Variants in WDR7 observed in about 807,000 individuals in gnomAD.
WDR7 encodes the protein WD repeat domain 7, also known as WD repeat-containing protein 7.
WDR7 carries 46 observed loss-of-function variants against 169.4 expected under a neutral mutation model. That is an observed-to-expected ratio of 0.27 (90% CI 0.21 to 0.35). WDR7 has a LOEUF of 0.35. WDR7 is among the 10% of genes least tolerant of loss of function. WDR7 has a pLI of 1.00. For missense variants in WDR7, 1,534 were observed against 1,859.3 expected, an observed-to-expected ratio of 0.83 and a Z score of 3.22; for synonymous variants, 612 against 666.8, an observed-to-expected ratio of 0.92 and a Z score of 1.27.
At chr18:56,985,038 A>G (rs1197742374) in intron 26 of WDR7, among the ~76,000 whole-genome samples, 2 of 152,174 alleles carry the variant, frequency 1.3e-5, no homozygotes, top group Non-Finnish European at 1.5e-5. Flanking sequence ...CATGACACTC[A>G]TAATAAAACA....
chr18:56,698,182 C>T (rs1222477078), intron 12 of WDR7, among the ~76,000 whole-genome samples: 3 of 150,408 alleles, frequency 2.0e-5, no homozygotes, highest in East Asian at 2.0e-4. Flanking sequence ...GCAACAGGAG[C>T]GAAACGCTGT....
chr18:56,656,136 G>C (rs889060085), intron 1 of WDR7, among the ~76,000 whole-genome samples: 1 of 152,068 alleles, frequency 6.6e-6, no homozygotes, highest in South Asian at 2.1e-4. Context: ...GTTGCTGGAT[G>C]GTATGGTAAG....
At chr18:56,764,814 G>A (rs543767162) in intron 16 of WDR7, among the ~76,000 whole-genome samples, 2 of 152,156 alleles carry the variant, frequency 1.3e-5, no homozygotes, top group African/African-American at 4.8e-5. Context: ...TTTTCTGCCT[G>A]CTTGCCTTTA....
intron 26 of WDR7, among the ~76,000 whole-genome samples, chr18:56,966,224 G>A (rs568788348): frequency 6.6e-6 from 1 of 152,066 alleles, no homozygotes; most frequent in Admixed American, 6.6e-5. Context: ...TTGAACAAGG[G>A]TTTGGACTGT....
At chr18:56,807,874 T>C (rs964138917) in intron 19 of WDR7, among the ~76,000 whole-genome samples, 1 of 152,204 alleles carries the variant, frequency 6.6e-6, no homozygotes, top group African/African-American at 2.4e-5. Flanking sequence ...ATTGAAGTGG[T>C]CTTTATTCAG....
At chr18:56,674,022 A>G (rs1183356179) in intron 2 of WDR7, among the ~76,000 whole-genome samples, 1 of 152,178 alleles carries the variant, frequency 6.6e-6, no homozygotes, top group Non-Finnish European at 1.5e-5. Flanking sequence ...ATGTATCAGT[A>G]CTTCATTTCT....
At chr18:56,730,566 A>T (rs2026561577) in intron 13 of WDR7, among the ~76,000 whole-genome samples, 1 of 152,120 alleles carries the variant, frequency 6.6e-6, no homozygotes, top group Admixed American at 6.5e-5. Context: ...GGAGATCGAG[A>T]CCATCCTGGC....
intron 12 of WDR7, among the ~76,000 whole-genome samples, chr18:56,697,968 C>T (rs190135154): frequency 7.9e-5 from 12 of 152,002 alleles, no homozygotes; most frequent in African/African-American, 2.7e-4. Flanking sequence ...CTGAGGCAGG[C>T]GTATCACCTG....
At chr18:56,973,372 G>A (rs184785192) in intron 26 of WDR7, among the ~76,000 whole-genome samples, 1 of 152,246 alleles carries the variant, frequency 6.6e-6, no homozygotes, top group East Asian at 1.9e-4. Context: ...TTTATTTTGA[G>A]TAAAAATTCA....
chr18:56,732,761 C>T (rs1165240598), intron 14 of WDR7, among the ~76,000 whole-genome samples: 1 of 152,178 alleles, frequency 6.6e-6, no homozygotes, highest in Non-Finnish European at 1.5e-5. Flanking sequence ...AAAGCATTGG[C>T]CATACCTTCA....
chr18:56,731,689 G>C, intron 14 of WDR7, 92 bp downstream of exon 14: 2 of 1,142,688 alleles, frequency 1.8e-6, no homozygotes, highest in Non-Finnish European at 2.4e-6. Flanking sequence ...AATAATTTTT[G>C]AGAAATGACC....
chr18:56,802,446 C>T (rs1453913716), intron 19 of WDR7, among the ~76,000 whole-genome samples: 2 of 152,038 alleles, frequency 1.3e-5, no homozygotes, highest in Non-Finnish European at 2.9e-5. Context: ...CAAGCTCTGC[C>T]TCCTGGGTTC....
At chr18:56,752,326 C>A (rs1215851408) in intron 14 of WDR7, among the ~76,000 whole-genome samples, 1 of 152,152 alleles carries the variant, frequency 6.6e-6, no homozygotes, top group Non-Finnish European at 1.5e-5. Flanking sequence ...CACATCTGGC[C>A]ATTGTTCTGC....
chr18:57,008,120 C>T (rs533704748), intron 26 of WDR7, among the ~76,000 whole-genome samples: 1 of 152,246 alleles, frequency 6.6e-6, no homozygotes, highest in South Asian at 2.1e-4. Flanking sequence ...CCACTGATCC[C>T]TATCCGCCGC....
intron 24 of WDR7, 35 bp from the exon 25 acceptor site, chr18:56,939,276 G>A (rs909725686): frequency 2.1e-6 from 3 of 1,462,328 alleles, no homozygotes; most frequent in African/African-American, 2.9e-5. Context: ...TTAAGTATTT[G>A]AAATTAATTT....
chr18:56,665,501 A>AT lies in WDR7; in HGVS notation c.-19-6988dup, dbSNP rs756849517. The stretch of plus-strand genomic sequence containing the variant: ...CTCTTAAAAGGCAGTCATATTACTG[A>AT]TTTTTTTTGTACGTTATCATTTCAG... On this transcript the variant is annotated intron_variant, in intron 1 of 27. Coordinates refer to ENST00000254442, the MANE Select transcript of WDR7 (RefSeq NM_015285.3). Among the ~76,000 whole-genome samples, 233 of 151,786 alleles carry AT rather than the reference A, an allele frequency of 1.5e-3. 1 individual carries two copies. The highest frequency in any genetic ancestry group is 3.4e-3 in the Middle Eastern group (1 of 294).
At chr18:56,822,129 TAGAC>T (rs2045109774) in intron 20 of WDR7, among the ~76,000 whole-genome samples, 1 of 152,234 alleles carries the variant, frequency 6.6e-6, no homozygotes, top group Non-Finnish European at 1.5e-5. Context: ...ATTCTAAATT[TAGAC>T]CAAGAGATTA....
rs557210678 is a variant in WDR7 at position 56,745,031 on chromosome 18, A to G, written c.1990-11552A>G. On this transcript the variant is annotated intron_variant, in intron 14 of 27. Coordinates refer to ENST00000254442, the MANE Select transcript of WDR7 (RefSeq NM_015285.3). Reference sequence around the variant, plus strand: ...TCCTGGTCTTTTCTCCTCCCACTGGATAAAGAGCCTTGTGATAAGAATGCA... The same window carrying G: ...TCCTGGTCTTTTCTCCTCCCACTGGGTAAAGAGCCTTGTGATAAGAATGCA... Among the ~76,000 whole-genome samples the G allele has an allele frequency of 1.8e-3, 279 of 152,294 alleles. 1 individual carries two copies. Among genetic ancestry groups the G allele is most frequent in the Non-Finnish European group, 3.1e-3 (211 of 68,018 alleles).
intron 19 of WDR7, among the ~76,000 whole-genome samples, chr18:56,800,005 G>A (rs992928395): frequency 2.6e-5 from 4 of 152,096 alleles, no homozygotes; most frequent in African/African-American, 9.7e-5. Flanking sequence ...CTAAGAGTAG[G>A]CTGCCTTGTT....
Sources: gnomAD v4.1 joint callset for allele counts (sites outside exome capture counted in the v4.1 genomes callset) on GRCh38, gnomAD v4.1.1 for gene constraint, MANE v1.5 for transcripts, NCBI Gene and HGNC (gene_info 2026-07-23, HGNC 2026-07-21) for gene names.